STARD4: variants seen among roughly 807,000 people sequenced by gnomAD.
The protein encoded by STARD4 is stAR-related lipid transfer protein 4.
Under a neutral mutation model 24.9 loss-of-function variants are expected in STARD4, and 33 were observed. That is an observed-to-expected ratio of 1.32 (90% CI 1.00 to 1.77). The LOEUF (loss-of-function observed/expected upper bound fraction) is 1.77. Ranked by LOEUF, STARD4 falls within the 40% of genes most tolerant of loss-of-function variation. The pLI is 0.00. For synonymous variants in STARD4, 88 were observed against 77.4 expected (o/e 1.14, Z -0.72); for missense variants, 238 against 249.3 (o/e 0.95, Z 0.31).
chr5:111,506,372 A>G lies in STARD4; in HGVS notation c.113T>C (p.Val38Ala), dbSNP rs1201256639. ...KWRVAKKTKD[V>A]TVWRKPSEEF... ...TTCTGAGGGTTTTCTCCAAACAGTT[A>G]CATCTTTCTAGAAAAATAAAAACAT... Residue 38 changes from valine to alanine, a missense_variant, in exon 3 of 6, where the codon GTA becomes GCA. Transcript: ENST00000296632. The G allele has an allele frequency of 2.3e-5, 34 of 1,476,868 alleles. No homozygotes were observed. In the East Asian group the frequency reaches 7.9e-4, roughly 34 times the overall value. The allele number at this position is 1,476,868 out of a possible 1,614,324, so 91.5% of individuals were successfully genotyped here.
rs1409758190 is a variant in STARD4, at chr5:111,497,597, G to A, written c.*2289C>T. The A allele has an allele frequency of 6.6e-6, 1 of 151,952 alleles. No individual in the cohort carries two copies. The highest frequency in any genetic ancestry group is 1.5e-5 in the Non-Finnish European group (1 of 67,904). The allele number at this position is 151,952 out of a possible 1,614,324, so 9.4% of individuals were successfully genotyped here. ...AATGATAACATTTTGGATGTATTGAGTTAAATAAAATATTAAAATTAACTT... is the reference window on the plus strand; with the variant it reads ...AATGATAACATTTTGGATGTATTGAATTAAATAAAATATTAAAATTAACTT... On this transcript the variant is annotated 3_prime_UTR_variant, in exon 6 of 6. Coordinates refer to ENST00000296632, the MANE Select transcript of STARD4 (RefSeq NM_139164.3).
In STARD4 at chr5:111,501,970, A is replaced by G; in HGVS notation, c.274T>C (p.Phe92Leu). The G allele has an allele frequency of 1.1e-5, 17 of 1,614,024 alleles. No homozygotes were observed. Among genetic ancestry groups the G allele is most frequent in the Non-Finnish European group, 1.4e-5 (17 of 1,179,940 alleles). The change falls in exon 4 of 6, where the codon TTT (phenylalanine) becomes CTT (leucine). Residue 92 changes from phenylalanine to leucine, a missense_variant. Phe to Leu is a conservative substitution (Grantham distance 22). Transcript: ENST00000296632. ...TGTTTCTAAATAGATACCTCTTCAA[A>G]GTTCTCCAGAATATCCAAAGAAGTC... ...LMTSLDILEN[F>L]EENCCVMRYT...
chr5:111,511,064 AATTAT>A (rs1475639940), intron 1 of STARD4, among the ~76,000 whole-genome samples: 2 of 152,202 alleles, frequency 1.3e-5, no homozygotes, highest in Non-Finnish European at 2.9e-5. Flanking sequence ...TTGTAAATTA[AATTAT>A]ATTTTCTAAC....
chr5:111,505,227 C>T (rs914980138), intron 3 of STARD4, among the ~76,000 whole-genome samples: 59 of 152,294 alleles, frequency 3.9e-4, no homozygotes, highest in African/African-American at 1.3e-3. Flanking sequence ...CCTTGACACT[C>T]GTGATATTTT....
Position 111,502,001 on chromosome 5 carries a change from G to A in STARD4, c.243C>T (p.Ser81=). Residue 81 remains serine, a synonymous_variant, in exon 4 of 6, where the codon AGC becomes AGT. Transcript: ENST00000296632. The part of the protein sequence containing the change: ...RPGPCRLDWD[S]LMTSLDILEN... ...CCAGAATATCCAAAGAAGTCATCAAGCTGTCCCAATCCAAACGACAAGGCC... is the reference window on the plus strand; with the variant it reads ...CCAGAATATCCAAAGAAGTCATCAAACTGTCCCAATCCAAACGACAAGGCC... 6.2e-7 allele frequency: 1 copy of A among 1,614,088 alleles called. No homozygotes were observed. Among genetic ancestry groups the A allele is most frequent in the South Asian group, 1.1e-5 (1 of 91,078 alleles).
At chr5:111,511,274 G>A (rs1234100652) in intron 1 of STARD4, among the ~76,000 whole-genome samples, 1 of 151,548 alleles carries the variant, frequency 6.6e-6, no homozygotes, top group African/African-American at 2.4e-5. Context: ...AACCCCTAAT[G>A]CTCTAATACT....
rs1580845536 is a variant in STARD4 at position 111,500,995 on chromosome 5, T to G, written c.397+7A>C. On this transcript the variant is annotated splice_region_variant and intron_variant, in intron 5 of 5. Transcript: ENST00000296632. ...TGAAAAAAAGCATAACATGTTGAGA[T>G]TATTACCACAAGATAAAAGCCCTTC... is the stretch of plus-strand genomic sequence containing the variant. The G allele has an allele frequency of 6.2e-7, 1 of 1,613,826 alleles. No homozygotes were observed. The highest frequency in any genetic ancestry group is 1.1e-5 in the South Asian group (1 of 91,062).
At chr5:111,504,430 T>C (rs1444550561) in intron 3 of STARD4, among the ~76,000 whole-genome samples, 1 of 152,088 alleles carries the variant, frequency 6.6e-6, no homozygotes. Flanking sequence ...TACAAAGACA[T>C]ACACATGAAT....
chr5:111,501,863 A>C lies in STARD4; in HGVS notation c.282+99T>G, dbSNP rs936785115. The C allele has an allele frequency of 7.4e-6, 11 of 1,483,310 alleles. No individual in the cohort carries two copies. In the African/African-American group the frequency reaches 1.5e-4, roughly 21 times the overall value. 91.9% of individuals were successfully genotyped at this position (1,483,310 alleles called of 1,614,324 possible). On this transcript the variant is annotated intron_variant, in intron 4 of 5. Coordinates refer to ENST00000296632, the MANE Select transcript of STARD4 (RefSeq NM_139164.3). ...GACTGCTATTCTCAAAGCAATGAAT[A>C]TAAGTGTGTACAAATGCTCATGCTC...
rs1317951597 is a variant in STARD4, at chr5:111,507,313, A to T, written c.105+16T>A. On this transcript the variant is annotated intron_variant, in intron 2 of 5. Coordinates refer to ENST00000296632, the MANE Select transcript of STARD4 (RefSeq NM_139164.3). This position sits in a 1 kb window ranked among gnomAD's most constrained non-coding sequence, Gnocchi z 4.4. ...TAGAAGATATACCCCAAATATAAGT[A>T]ATTGAACTAATTTACCGTTTTCTTA... 1 of 1,597,370 alleles carries T rather than the reference A, an allele frequency of 6.3e-7. No homozygotes were observed. The highest frequency in any genetic ancestry group is 1.7e-5 in the Admixed American group (1 of 59,308).
chr5:111,501,485 C>T (rs1372344338), intron 4 of STARD4, among the ~76,000 whole-genome samples: 1 of 152,128 alleles, frequency 6.6e-6, no homozygotes, highest in African/African-American at 2.4e-5. Context: ...GTAAAAAATT[C>T]AAACATTAAG....
At chr5:111,501,168 C>G (rs1413998287) in intron 4 of STARD4, 52 bp from the exon 5 acceptor site, 2 of 1,510,890 alleles carry the variant, frequency 1.3e-6, no homozygotes, top group Non-Finnish European at 1.8e-6. Context: ...ACATACATAG[C>G]TTCATATATC....
At position 111,497,916 on chromosome 5, in the gene STARD4, T is replaced by G. The variant is rs529983550; in HGVS notation, c.*1970A>C. 114 of 152,128 alleles carry G rather than the reference T, an allele frequency of 7.5e-4. No individual in the cohort carries two copies. Among genetic ancestry groups the G allele is most frequent in the African/African-American group, 2.5e-3 (103 of 41,546 alleles). 9.4% of individuals were successfully genotyped at this position (152,128 alleles called of 1,614,324 possible). A position where few individuals can be genotyped will look rare whatever the true frequency, so the allele number is the denominator to read the frequency against. On this transcript the variant is annotated 3_prime_UTR_variant, in exon 6 of 6. Coordinates refer to ENST00000296632, the MANE Select transcript of STARD4 (RefSeq NM_139164.3). ...CCTGGCAACAGTGATAAACTTTAGATTTGTGTTAGGTATGAGTCTGCAAAA... is the reference window on the plus strand; with the variant it reads ...CCTGGCAACAGTGATAAACTTTAGAGTTGTGTTAGGTATGAGTCTGCAAAA...
rs780940887 is a variant in STARD4 at position 111,500,109 on chromosome 5, A to G, written c.398-3T>C. The G allele has an allele frequency of 2.3e-5, 36 of 1,588,030 alleles. No individual in the cohort carries two copies. Among genetic ancestry groups the G allele is most frequent in the Middle Eastern group, 1.7e-4 (1 of 5,912 alleles). On this transcript the variant is annotated splice_region_variant and splice_polypyrimidine_tract_variant and intron_variant, in intron 5 of 5. Coordinates refer to ENST00000296632, the MANE Select transcript of STARD4 (RefSeq NM_139164.3). ...TTCATCCCAGTCAAGACTTATTCCT[A>G]TAAGGCAATTTTTAAAATAGCACTA...
At chr5:111,510,379 C>T (rs1650717616) in intron 1 of STARD4, among the ~76,000 whole-genome samples, 3 of 152,198 alleles carry the variant, frequency 2.0e-5, no homozygotes, top group African/African-American at 7.2e-5. Flanking sequence ...CCTGCAATCT[C>T]CAACTGTGGA....
At position 111,507,315 on chromosome 5, in the gene STARD4, T is replaced by C. The variant is rs1392866163; in HGVS notation, c.105+14A>G. 1.2e-6 allele frequency: 2 copies of C among 1,600,126 alleles called. No homozygotes were observed. Among genetic ancestry groups the C allele is most frequent in the Admixed American group, 3.4e-5 (2 of 59,312 alleles). On this transcript the variant is annotated intron_variant, in intron 2 of 5. Coordinates refer to ENST00000296632, the MANE Select transcript of STARD4 (RefSeq NM_139164.3). This position sits in a 1 kb window ranked among gnomAD's most constrained non-coding sequence, Gnocchi z 4.4. ...GAAGATATACCCCAAATATAAGTAA[T>C]TGAACTAATTTACCGTTTTCTTAGC...
At chr5:111,502,589 T>C (rs567031832) in intron 3 of STARD4, among the ~76,000 whole-genome samples, 15 of 149,452 alleles carry the variant, frequency 1.0e-4, no homozygotes, top group Non-Finnish European at 2.1e-4. Flanking sequence ...AGGTAGGGAG[T>C]TTCAGACCAG....
chr5:111,499,726 C>T lies in STARD4; in HGVS notation c.*160G>A. The T allele has an allele frequency of 1.5e-6, 1 of 650,460 alleles. No individual in the cohort carries two copies. The highest frequency in any genetic ancestry group is 2.6e-6 in the Non-Finnish European group (1 of 383,622). 40.3% of individuals were successfully genotyped at this position (650,460 alleles called of 1,614,324 possible). ...AGTGAAAATGCCCTCTCTTAGATAG[C>T]TATTTACTTTAGGAATAAAACCAAA... is the stretch of plus-strand genomic sequence containing the variant. On this transcript the variant is annotated 3_prime_UTR_variant, in exon 6 of 6. Coordinates refer to ENST00000296632, the MANE Select transcript of STARD4 (RefSeq NM_139164.3).
rs764770855 is a variant in STARD4 at position 111,499,940 on chromosome 5, TG to T, written c.563del (p.Thr188LysfsTer7). On this transcript the variant is annotated frameshift_variant, in exon 6 of 6. Coordinates refer to ENST00000296632, the MANE Select transcript of STARD4 (RefSeq NM_139164.3). LOFTEE classifies it high-confidence loss of function. Reference sequence around the variant, plus strand: ...AGTTGGTTAAAGTGCTTGCCATGGCTGTATCTACCGCAGACTGAGGAATCAT... The same window carrying T: ...AGTTGGTTAAAGTGCTTGCCATGGCTTATCTACCGCAGACTGAGGAATCAT... ...RGMIPQSAVD[T>X]AMASTLTNFY... 8.1e-6 allele frequency: 13 copies of T among 1,614,038 alleles called. No homozygotes were observed. The East Asian group carries it at 2.9e-4, about 36-fold the overall frequency.
Sources: gnomAD v4.1 joint callset for allele counts (sites outside exome capture counted in the v4.1 genomes callset) on GRCh38, gnomAD v4.1.1 for gene constraint, Gnocchi (gnomAD v3.1) non-coding constraint, MANE v1.5 for transcripts, NCBI Gene and HGNC (gene_info 2026-07-23, HGNC 2026-07-21) for gene names.